Variants in AFG2A observed in about 807,000 individuals in gnomAD.
The protein encoded by AFG2A is AAA ATPase AFG2A.
chr4:123,021,802 G>C, the AFG2A span, among the ~76,000 whole-genome samples: 1 of 152,170 alleles, frequency 6.6e-6, no homozygotes, highest in African/African-American at 2.4e-5. Context: ...TGGAATGCCA[G>C]TAACCAAAAC....
chr4:123,004,713 A>T, the AFG2A span, among the ~76,000 whole-genome samples: 126,503 of 152,124 alleles, frequency 0.83, 53,735 homozygotes, highest in East Asian at 0.96. Flanking sequence ...TCTGCTTTTG[A>T]TATCAGGATA....
the AFG2A span, among the ~76,000 whole-genome samples, chr4:123,240,312 A>G: frequency 6.6e-6 from 1 of 152,290 alleles, no homozygotes; most frequent in South Asian, 2.1e-4. Flanking sequence ...TCCACCCCAA[A>G]TCAACAGAAT....
At chr4:122,955,260 C>T in the AFG2A span, among the ~76,000 whole-genome samples, 7 of 152,142 alleles carry the variant, frequency 4.6e-5, no homozygotes, top group Non-Finnish European at 7.4e-5. Flanking sequence ...GCAGCCTTCA[C>T]GTGGCAACCC....
chr4:122,964,333 G>A, the AFG2A span, among the ~76,000 whole-genome samples: 2 of 151,808 alleles, frequency 1.3e-5, no homozygotes, highest in East Asian at 2.0e-4. Flanking sequence ...GTGAAACCCC[G>A]TCTCTACTAA....
chr4:123,262,181 TCACA>T, the AFG2A span, among the ~76,000 whole-genome samples: 4 of 152,162 alleles, frequency 2.6e-5, no homozygotes, highest in African/African-American at 9.7e-5. Flanking sequence ...AACAGCTGTC[TCACA>T]CACACTCGGT....
chr4:123,086,416 T>C, the AFG2A span, among the ~76,000 whole-genome samples: 4 of 152,330 alleles, frequency 2.6e-5, no homozygotes, highest in East Asian at 7.7e-4. Context: ...GTAAGTAAGG[T>C]GGTCCCCACC....
chr4:122,931,796 A>G, the AFG2A span, among the ~76,000 whole-genome samples: 10 of 152,236 alleles, frequency 6.6e-5, no homozygotes, highest in African/African-American at 2.4e-4. Flanking sequence ...CTCATCCTAC[A>G]TGGTAACATG....
the AFG2A span, among the ~76,000 whole-genome samples, chr4:123,025,571 A>G: frequency 6.6e-6 from 1 of 151,316 alleles, no homozygotes; most frequent in South Asian, 2.1e-4. Context: ...TTTTAAGAGG[A>G]TTTGAAAGTT....
At chr4:123,311,500 G>A in the AFG2A span, among the ~76,000 whole-genome samples, 1 of 151,812 alleles carries the variant, frequency 6.6e-6, no homozygotes, top group Non-Finnish European at 1.5e-5. Context: ...GGTGGCACGC[G>A]CCCGTAGTCC....
chr4:123,209,773 G>A, the AFG2A span, among the ~76,000 whole-genome samples: 1 of 151,894 alleles, frequency 6.6e-6, no homozygotes, highest in South Asian at 2.1e-4. Context: ...CTTAGAAGGT[G>A]GAAGGAGAAA....
chr4:123,237,724 A>G, the AFG2A span, among the ~76,000 whole-genome samples: 2 of 149,644 alleles, frequency 1.3e-5, no homozygotes, highest in African/African-American at 4.9e-5. Flanking sequence ...AGGGCCAAAT[A>G]GGAACAGCTC....
the AFG2A span, among the ~76,000 whole-genome samples, chr4:122,945,116 C>T: frequency 6.6e-6 from 1 of 152,354 alleles, no homozygotes; most frequent in East Asian, 1.9e-4. Context: ...GGCAGTCTGC[C>T]TGTTCTCAGA....
the AFG2A span, among the ~76,000 whole-genome samples, chr4:123,138,209 G>C: frequency 1.3e-5 from 2 of 152,128 alleles, no homozygotes; most frequent in African/African-American, 4.8e-5. Context: ...TGTTGATATA[G>C]ATAAGAAAAC....
At chr4:122,974,602 T>C in the AFG2A span, among the ~76,000 whole-genome samples, 1 of 152,144 alleles carries the variant, frequency 6.6e-6, no homozygotes, top group African/African-American at 2.4e-5. Context: ...TGCAAGAAAA[T>C]TACTGAATTC....
At chr4:123,013,859 G>A in the AFG2A span, among the ~76,000 whole-genome samples, 1 of 152,156 alleles carries the variant, frequency 6.6e-6, no homozygotes, top group Non-Finnish European at 1.5e-5. Context: ...AAGGTACTAT[G>A]TTAGGAAGGT....
At chr4:122,940,954 C>T in the AFG2A span, among the ~76,000 whole-genome samples, 1 of 151,586 alleles carries the variant, frequency 6.6e-6, no homozygotes, top group East Asian at 1.9e-4. Context: ...AGATATGTGG[C>T]ATTATTTCTG....
chr4:123,045,942 A>G, the AFG2A span, among the ~76,000 whole-genome samples: 1 of 151,896 alleles, frequency 6.6e-6, no homozygotes, highest in Admixed American at 6.6e-5. Context: ...CTAAAAATAC[A>G]AAAATTAGCC....
the AFG2A span, among the ~76,000 whole-genome samples, chr4:123,272,224 G>A: frequency 2.0e-5 from 3 of 152,148 alleles, no homozygotes; most frequent in Non-Finnish European, 4.4e-5. Context: ...GTTGTTGACA[G>A]ATAATCCATT....
chr4:123,045,476 G>T, the AFG2A span, among the ~76,000 whole-genome samples: 1 of 152,164 alleles, frequency 6.6e-6, no homozygotes, highest in South Asian at 2.1e-4. Flanking sequence ...CATCCGTGAA[G>T]ATTTCTTCAG....
Sources: allele counts gnomAD v4.1 joint callset (sites outside exome capture counted in the v4.1 genomes callset), GRCh38; gene constraint gnomAD v4.1.1; transcripts MANE v1.5; gene names NCBI Gene and HGNC (gene_info 2026-07-23, HGNC 2026-07-21).